Variants in LRP1B observed in about 807,000 individuals in gnomAD.
LRP1B encodes low-density lipoprotein receptor-related protein 1B.
A neutral mutation model predicts 556.6 loss-of-function variants in LRP1B; 217 were observed. The ratio of observed to expected loss-of-function variants is 0.39; its 90% CI spans 0.35 to 0.44. The LOEUF (loss-of-function observed/expected upper bound fraction) is 0.44. LRP1B is among the 20% of genes least tolerant of loss of function. The probability of loss-of-function intolerance (pLI) is 1.00; values close to 1 mark genes in which losing one functional copy is unlikely to be tolerated. For synonymous variants in LRP1B, 2,047 were observed against 1,865.8 expected (o/e 1.10, Z -2.50); for missense variants, 5,053 against 5,620.8 (o/e 0.90, Z 3.23).
At chr2:140,263,587 G>A (rs916548958) in intron 86 of LRP1B, among the ~76,000 whole-genome samples, 7 of 152,044 alleles carry the variant, frequency 4.6e-5, no homozygotes, top group Middle Eastern at 3.4e-3. Context: ...TCAACATTTC[G>A]CATAGTCTCT....
At chr2:141,664,911 C>T (rs1388552681) in intron 2 of LRP1B, among the ~76,000 whole-genome samples, 1 of 151,936 alleles carries the variant, frequency 6.6e-6, no homozygotes, top group Admixed American at 6.6e-5. Context: ...AATCCTAAGC[C>T]AAAAGAACAA....
intron 66 of LRP1B, among the ~76,000 whole-genome samples, chr2:140,421,548 T>G (rs530125402): frequency 6.6e-6 from 1 of 152,314 alleles, no homozygotes; most frequent in East Asian, 1.9e-4. Context: ...AAATACCATG[T>G]TATTTAAAAA....
intron 7 of LRP1B, among the ~76,000 whole-genome samples, chr2:141,084,821 T>C (rs1289051710): frequency 6.6e-6 from 1 of 152,090 alleles, no homozygotes; most frequent in Non-Finnish European, 1.5e-5. Context: ...GGCTAATTTT[T>C]TGTATTTTTA....
At chr2:141,047,310 C>G (rs184477061) in intron 11 of LRP1B, among the ~76,000 whole-genome samples, 1 of 151,822 alleles carries the variant, frequency 6.6e-6, no homozygotes, top group African/African-American at 2.4e-5. Flanking sequence ...TGCCTTAATC[C>G]GTAAATTATA....
chr2:141,357,284 G>A (rs1688663040), intron 3 of LRP1B, among the ~76,000 whole-genome samples: 1 of 151,994 alleles, frequency 6.6e-6, no homozygotes, highest in Non-Finnish European at 1.5e-5. Context: ...TGGATCTCCT[G>A]ACCTTGTGAT....
intron 2 of LRP1B, among the ~76,000 whole-genome samples, chr2:141,487,427 T>G (rs1436469815): frequency 6.6e-6 from 1 of 152,140 alleles, no homozygotes; most frequent in African/African-American, 2.4e-5. Flanking sequence ...TCTGACATGT[T>G]AGAAGTTACT....
intron 21 of LRP1B, among the ~76,000 whole-genome samples, chr2:140,915,668 AT>A (rs1350944507): frequency 1.3e-5 from 2 of 150,520 alleles, no homozygotes; most frequent in African/African-American, 4.9e-5. Context: ...AAATAAATAA[AT>A]AAATAAATAA....
chr2:141,061,958 C>T (rs1351958993), intron 8 of LRP1B, 93 bp downstream of exon 8: 9 of 947,784 alleles, frequency 9.5e-6, no homozygotes, highest in Admixed American at 5.4e-5. Context: ...CATTGCAGCT[C>T]GACTTTACAA....
At position 140,604,167 on chromosome 2, in the gene LRP1B, G is replaced by C. The variant is rs913725609; in HGVS notation, c.6800-2528C>G. Among the ~76,000 whole-genome samples, 12 of 151,696 alleles carry C rather than the reference G, an allele frequency of 7.9e-5. 1 individual carries two copies. Among genetic ancestry groups the C allele is most frequent in the African/African-American group, 2.7e-4 (11 of 41,332 alleles). ...CTTGGAACTCAAGGATGTAGAATAGGCATATGAAATATAATGCAAACCAGT... is the reference window on the plus strand; with the variant it reads ...CTTGGAACTCAAGGATGTAGAATAGCCATATGAAATATAATGCAAACCAGT... On this transcript the variant is annotated intron_variant, in intron 41 of 90. Transcript: ENST00000389484.
rs13021861 is a variant in LRP1B at position 140,234,771 on chromosome 2, A to T, written c.13659+15T>A. On this transcript the variant is annotated intron_variant, in intron 90 of 90. Coordinates refer to ENST00000389484, the MANE Select transcript of LRP1B (RefSeq NM_018557.3). ...TGATGAAACGGACATGAAATAACGA[A>T]TATTCTTCTCTCACCCCAGCAGTTA... 49,474 of 771,672 alleles carry T rather than the reference A, an allele frequency of 0.064. 1,830 individuals are homozygous for T. The highest frequency in any genetic ancestry group is 0.11 in the Middle Eastern group (490 of 4,358). 47.8% of individuals were successfully genotyped at this position (771,672 alleles called of 1,614,324 possible).
intron 21 of LRP1B, among the ~76,000 whole-genome samples, chr2:140,922,431 C>A (rs1694764872): frequency 6.6e-6 from 1 of 151,846 alleles, no homozygotes; most frequent in South Asian, 2.1e-4. Context: ...GCATCCTCCT[C>A]ATAATAGAAA....
At chr2:141,440,335 T>C (rs1021393612) in intron 3 of LRP1B, among the ~76,000 whole-genome samples, 8 of 152,248 alleles carry the variant, frequency 5.3e-5, no homozygotes, top group Non-Finnish European at 2.9e-5. Context: ...TGGAAGCCCC[T>C]GACCTGCCAG....
At chr2:140,727,685 T>C (rs1018692959) in intron 35 of LRP1B, among the ~76,000 whole-genome samples, 2 of 152,114 alleles carry the variant, frequency 1.3e-5, no homozygotes, top group Non-Finnish European at 2.9e-5. Flanking sequence ...CCAGCCAGAG[T>C]GATGAGCATA....
intron 1 of LRP1B, among the ~76,000 whole-genome samples, chr2:142,056,319 G>A (rs574740496): frequency 6.6e-6 from 1 of 152,140 alleles, no homozygotes; most frequent in African/African-American, 2.4e-5. Flanking sequence ...GATATAGTGT[G>A]CAGAAGTTTA....
chr2:141,437,505 G>C (rs1398028175), intron 3 of LRP1B, among the ~76,000 whole-genome samples: 1 of 151,810 alleles, frequency 6.6e-6, no homozygotes, highest in Non-Finnish European at 1.5e-5. Flanking sequence ...TTTCTCTTTG[G>C]TCACCAGCCT....
intron 86 of LRP1B, among the ~76,000 whole-genome samples, chr2:140,256,323 C>T (rs2104916978): frequency 1.3e-5 from 2 of 151,984 alleles, no homozygotes; most frequent in Non-Finnish European, 2.9e-5. Flanking sequence ...GTGTGCATCA[C>T]ACATTGCACT....
chr2:140,283,754 T>G (rs11883474), intron 84 of LRP1B, among the ~76,000 whole-genome samples: 10,229 of 151,856 alleles, frequency 0.067, 381 homozygotes, highest in Middle Eastern at 0.14. Flanking sequence ...AATCAACTCA[T>G]AGAGCTATCA....
At chr2:141,323,830 A>T (rs566104794) in intron 3 of LRP1B, among the ~76,000 whole-genome samples, 11 of 151,996 alleles carry the variant, frequency 7.2e-5, no homozygotes, top group African/African-American at 2.4e-4. Context: ...TGAAAAATAG[A>T]TGCCATGGTA....
chr2:140,923,994 C>T (rs1694815404), intron 20 of LRP1B, among the ~76,000 whole-genome samples: 1 of 151,744 alleles, frequency 6.6e-6, no homozygotes, highest in Non-Finnish European at 1.5e-5. Context: ...TCTGTATTTC[C>T]AAATATTACA....
Sources: allele counts gnomAD v4.1 joint callset (sites outside exome capture counted in the v4.1 genomes callset), GRCh38; gene constraint gnomAD v4.1.1; transcripts MANE v1.5; gene names NCBI Gene and HGNC (gene_info 2026-07-23, HGNC 2026-07-21).